The following NCAM1 variants were observed in gnomAD, a reference collection of about 807,000 sequenced individuals.
NCAM1 encodes the protein neural cell adhesion molecule 1.
NCAM1 carries 14 observed loss-of-function variants against 109.8 expected under a neutral mutation model. The ratio of observed to expected loss-of-function variants is 0.13; its 90% CI spans 0.08 to 0.20. NCAM1 has a LOEUF of 0.20. NCAM1 is among the 10% of genes least tolerant of loss of function. NCAM1 has a pLI of 1.00. For synonymous variants in NCAM1, 418 were observed against 442.9 expected, an observed-to-expected ratio of 0.94 and a Z score of 0.70; for missense variants, 774 against 1,109.9, an observed-to-expected ratio of 0.70 and a Z score of 4.30.
intron 1 of NCAM1, among the ~76,000 whole-genome samples, chr11:113,004,012 G>A (rs955985085): frequency 1.3e-5 from 2 of 149,150 alleles, no homozygotes; most frequent in African/African-American, 2.5e-5. Context: ...TTGTGAATAC[G>A]TCAGGGAGAG....
intron 1 of NCAM1, among the ~76,000 whole-genome samples, chr11:113,037,664 G>T (rs1952937253): frequency 6.6e-6 from 1 of 152,208 alleles, no homozygotes; most frequent in African/African-American, 2.4e-5. Context: ...AGTCACGTTG[G>T]AGTCCCTCCT....
At chr11:113,263,192 T>C (rs1027453006) in intron 17 of NCAM1, 4 of 1,132,148 alleles carry the variant, frequency 3.5e-6, no homozygotes, top group Non-Finnish European at 3.3e-6. Flanking sequence ...AAATGCTATT[T>C]TTAAAAACCA....
intron 14 of NCAM1, chr11:113,240,836 G>C (rs781803207): frequency 6.8e-6 from 11 of 1,612,876 alleles, no homozygotes; most frequent in Non-Finnish European, 7.6e-6. Context: ...ACCAGATAGT[G>C]AGTATCATTT....
chr11:112,961,441 T>C lies in NCAM1; in HGVS notation c.-172T>C, dbSNP rs782761878. ...TGTCACTCATTCTCCGATCAGCGCG[T>C]GAACGCAGCTCGGCTGCCGCTGGCA... On this transcript the variant is annotated 5_prime_UTR_variant, in exon 1 of 20. Transcript: ENST00000316851. The C allele has an allele frequency of 3.9e-6, 3 of 766,784 alleles. No homozygotes were observed. The highest frequency in any genetic ancestry group is 7.3e-6 in the Non-Finnish European group (3 of 412,608). 47.5% of individuals were successfully genotyped at this position (766,784 alleles called of 1,614,324 possible). A position where few individuals can be genotyped will look rare whatever the true frequency, so the allele number is the denominator to read the frequency against.
chr11:113,087,973 G>C (rs927318902), intron 1 of NCAM1, among the ~76,000 whole-genome samples: 1 of 152,142 alleles, frequency 6.6e-6, no homozygotes, highest in Non-Finnish European at 1.5e-5. Flanking sequence ...AGGTGTCATA[G>C]TGATTGCCTT....
rs974677505 is a variant in NCAM1, at chr11:113,277,725, C to T, written c.*2338C>T. 11 of 293,914 alleles carry T rather than the reference C, an allele frequency of 3.7e-5. No individual in the cohort carries two copies. Among genetic ancestry groups the T allele is most frequent in the South Asian group, 1.7e-4 (1 of 6,052 alleles). 18.2% of individuals were successfully genotyped at this position (293,914 alleles called of 1,614,324 possible). ...AGGTCAGCCCTCAGATCACCTGGCCCGGGACAGCTGACCCCCTAGAACCCT... is the reference window on the plus strand; with the variant it reads ...AGGTCAGCCCTCAGATCACCTGGCCTGGGACAGCTGACCCCCTAGAACCCT... On this transcript the variant is annotated 3_prime_UTR_variant, in exon 20 of 20. Coordinates refer to ENST00000316851, the MANE Select transcript of NCAM1 (RefSeq NM_181351.5).
intron 1 of NCAM1, among the ~76,000 whole-genome samples, chr11:113,013,547 A>G (rs1482504259): frequency 3.3e-5 from 5 of 152,112 alleles, no homozygotes; most frequent in Non-Finnish European, 7.3e-5. Context: ...TGCTAACTCT[A>G]TACTGCTTCA....
At chr11:113,119,088 G>T (rs1434855348) in intron 1 of NCAM1, among the ~76,000 whole-genome samples, 1 of 151,892 alleles carries the variant, frequency 6.6e-6, no homozygotes, top group African/African-American at 2.4e-5. Context: ...AAGCAAAAGA[G>T]GGGAATGGGG....
chr11:113,056,578 T>A (rs1182587541), intron 1 of NCAM1, among the ~76,000 whole-genome samples: 1 of 152,180 alleles, frequency 6.6e-6, no homozygotes, highest in Non-Finnish European at 1.5e-5. Flanking sequence ...TTTCTGGTCA[T>A]GTTGGGAAAG....
At chr11:112,989,552 T>G (rs1951403431) in intron 1 of NCAM1, among the ~76,000 whole-genome samples, 1 of 152,156 alleles carries the variant, frequency 6.6e-6, no homozygotes. Context: ...TTGTATTGTT[T>G]TGCATCTCAT....
At chr11:112,961,924 G>A (rs1477097648) in intron 1 of NCAM1, among the ~76,000 whole-genome samples, 2 of 152,094 alleles carry the variant, frequency 1.3e-5, no homozygotes, top group African/African-American at 4.8e-5. Context: ...CACTTTGTGC[G>A]CCCGCGGCGG....
intron 1 of NCAM1, among the ~76,000 whole-genome samples, chr11:113,048,369 A>C (rs1280647920): frequency 2.6e-5 from 4 of 152,220 alleles, no homozygotes; most frequent in Non-Finnish European, 4.4e-5. Context: ...ATCACTTGCT[A>C]TATTAGGTTT....
intron 1 of NCAM1, among the ~76,000 whole-genome samples, chr11:113,144,783 G>T (rs1251809443): frequency 6.6e-6 from 1 of 152,196 alleles, no homozygotes; most frequent in Non-Finnish European, 1.5e-5. Context: ...ATGTGTCAAA[G>T]AGTAGTAAAA....
At chr11:113,234,437 T>C (rs961205834) in intron 13 of NCAM1, among the ~76,000 whole-genome samples, 1 of 152,188 alleles carries the variant, frequency 6.6e-6, no homozygotes, top group Non-Finnish European at 1.5e-5. Context: ...CATTAAACAC[T>C]AGCTCTTCAT....
Position 113,043,268 on chromosome 11 carries a change from C to A in NCAM1, c.52+81604C>A, listed in dbSNP as rs558872749. Among the ~76,000 whole-genome samples the A allele has an allele frequency of 4.6e-5, 7 of 152,266 alleles. 1 individual carries two copies. In the South Asian group the frequency reaches 1.5e-3, roughly 32 times the overall value. ...TGCCTGTGTGGTCATCAATACAGAC[C>A]ACTCATCCTGCTGACACATTGTCTG... is the stretch of plus-strand genomic sequence containing the variant. On this transcript the variant is annotated intron_variant, in intron 1 of 19. Coordinates refer to ENST00000316851, the MANE Select transcript of NCAM1 (RefSeq NM_181351.5).
chr11:113,002,892 A>G (rs1555072676), intron 1 of NCAM1, among the ~76,000 whole-genome samples: 1 of 152,238 alleles, frequency 6.6e-6, no homozygotes, highest in African/African-American at 2.4e-5. Flanking sequence ...TTAATGTTTA[A>G]AGTTAATTAC....
At chr11:113,030,059 T>A (rs1433722736) in intron 1 of NCAM1, among the ~76,000 whole-genome samples, 1 of 118,422 alleles carries the variant, frequency 8.4e-6, no homozygotes, top group Non-Finnish European at 1.8e-5. Context: ...TTATCTTTAT[T>A]TGATAAAAAA....
chr11:113,251,313 TCTG>T (rs1945670315), intron 15 of NCAM1, among the ~76,000 whole-genome samples: 1 of 152,240 alleles, frequency 6.6e-6, no homozygotes, highest in Non-Finnish European at 1.5e-5. Flanking sequence ...TCCTGGGGCT[TCTG>T]CTGATGAGAG....
intron 1 of NCAM1, among the ~76,000 whole-genome samples, chr11:113,079,041 C>T (rs1368965024): frequency 6.6e-6 from 1 of 152,042 alleles, no homozygotes; most frequent in African/African-American, 2.4e-5. Flanking sequence ...GACTCAACAA[C>T]GTGGAGAGAG....
Sources: gnomAD v4.1 joint callset for allele counts (sites outside exome capture counted in the v4.1 genomes callset) on GRCh38, gnomAD v4.1.1 for gene constraint, MANE v1.5 for transcripts, NCBI Gene and HGNC (gene_info 2026-07-23, HGNC 2026-07-21) for gene names.